The following DAG1 variants were observed in gnomAD, a reference collection of about 807,000 sequenced individuals.
DAG1 encodes dystroglycan 1.
Under a neutral mutation model 46.1 loss-of-function variants are expected in DAG1, and 8 were observed. That is an observed-to-expected ratio of 0.17 (90% CI 0.10 to 0.31). The LOEUF is 0.31. DAG1 is among the 10% of genes least tolerant of loss of function. DAG1 has a pLI of 1.00. For missense variants in DAG1, 1,003 were observed against 1,189.9 expected (o/e 0.84, Z 2.31); for synonymous variants, 495 against 481.8 (o/e 1.03, Z -0.36).
chr3:49,512,058 GTCTTGC>G (rs2050773949), intron 2 of DAG1, among the ~76,000 whole-genome samples: 1 of 151,748 alleles, frequency 6.6e-6, no homozygotes, highest in Non-Finnish European at 1.5e-5. Context: ...TTGAGGCAGG[GTCTTGC>G]TCTGTTGTTC....
In DAG1 at chr3:49,510,510, C is replaced by G; in HGVS notation, c.-25C>G. 1.2e-6 allele frequency: 2 copies of G among 1,609,788 alleles called. No individual in the cohort carries two copies. Among genetic ancestry groups the G allele is most frequent in the Non-Finnish European group, 8.5e-7 (1 of 1,178,698 alleles). ...TTGCTTCCTTACTTAGCAAGACTATCGACTTGAGCAAACTTGGACCTGGGA... is the reference window on the plus strand; with the variant it reads ...TTGCTTCCTTACTTAGCAAGACTATGGACTTGAGCAAACTTGGACCTGGGA... On this transcript the variant is annotated 5_prime_UTR_variant, in exon 2 of 3. It adds an upstream start codon to the 5' untranslated region. Coordinates refer to ENST00000308775, the MANE Select transcript of DAG1 (RefSeq NM_004393.6).
intron 1 of DAG1, among the ~76,000 whole-genome samples, chr3:49,490,366 T>TG (rs1415596694): frequency 1.1e-5 from 1 of 94,428 alleles, no homozygotes; most frequent in Non-Finnish European, 2.9e-5. Flanking sequence ...AAAAAAAAAG[T>TG]TTTTTTTTTT....
At chr3:49,530,614 C>T (rs775402259) in intron 2 of DAG1, among the ~76,000 whole-genome samples, 183 bp from the exon 3 acceptor site, 2 of 152,162 alleles carry the variant, frequency 1.3e-5, no homozygotes, top group African/African-American at 2.4e-5. Flanking sequence ...CATCTCATAG[C>T]CCTAGTCTTG....
chr3:49,506,841 G>A (rs2050618158), intron 1 of DAG1, among the ~76,000 whole-genome samples: 1 of 152,026 alleles, frequency 6.6e-6, no homozygotes, highest in African/African-American at 2.4e-5. Flanking sequence ...GCCAAGTATG[G>A]TGGCAAATGC....
At chr3:49,521,842 A>C (rs775920524) in intron 2 of DAG1, among the ~76,000 whole-genome samples, 58 of 150,316 alleles carry the variant, frequency 3.9e-4, no homozygotes, top group Admixed American at 1.2e-3. Context: ...TGGGCATCAC[A>C]GTTTTAGACC....
chr3:49,475,886 A>G (rs142316462), intron 1 of DAG1, among the ~76,000 whole-genome samples: 4,029 of 151,600 alleles, frequency 0.027, 72 homozygotes, highest in Non-Finnish European at 0.041. Context: ...GTATATATAT[A>G]TTTTTTGTAT....
chr3:49,479,555 G>C (rs559377246), intron 1 of DAG1, among the ~76,000 whole-genome samples: 2 of 149,652 alleles, frequency 1.3e-5, no homozygotes, highest in East Asian at 4.0e-4. Flanking sequence ...GATCCCGTCC[G>C]TCTTGATCTC....
In DAG1 at chr3:49,510,430, T is replaced by C; in HGVS notation, c.-105T>C. The C allele has an allele frequency of 9.0e-7, 1 of 1,113,654 alleles. No homozygotes were observed. The highest frequency in any genetic ancestry group is 2.3e-5 in the East Asian group (1 of 42,686). The allele number at this position is 1,113,654 out of a possible 1,614,324, so 69.0% of individuals were successfully genotyped here. On this transcript the variant is annotated 5_prime_UTR_variant, in exon 2 of 3. Coordinates refer to ENST00000308775, the MANE Select transcript of DAG1 (RefSeq NM_004393.6). ...TCTTTTTTTTTCAGGCTCTGTGTGC[T>C]CCGGGATGGAGCAGGTGTGCAGAGG...
intron 1 of DAG1, among the ~76,000 whole-genome samples, chr3:49,481,254 G>A (rs1327327633): frequency 6.7e-6 from 1 of 150,258 alleles, no homozygotes; most frequent in Non-Finnish European, 1.5e-5. Flanking sequence ...AAAATTAGCC[G>A]GGCGTAGTGT....
rs1221719616 is a variant in DAG1 at position 49,530,844 on chromosome 3, C to T, written c.333C>T (p.Asp111=). The change falls in exon 3 of 3, where the codon GAC becomes GAT. Residue 111 remains aspartate, a synonymous_variant. Coordinates refer to ENST00000308775, the MANE Select transcript of DAG1 (RefSeq NM_004393.6). ...CTTTGCCATCTTGGCTGCACTGGGA[C>T]TCACAGAGCCACACCCTGGAGGGCC... ...KEALPSWLHW[D]SQSHTLEGLP... 7.4e-6 allele frequency: 12 copies of T among 1,614,186 alleles called. No homozygotes were observed. The highest frequency in any genetic ancestry group is 1.0e-5 in the Non-Finnish European group (12 of 1,180,014).
intron 2 of DAG1, among the ~76,000 whole-genome samples, chr3:49,518,565 G>A (rs762958085): frequency 6.6e-6 from 1 of 152,200 alleles, no homozygotes; most frequent in Non-Finnish European, 1.5e-5. Context: ...GAATAAAGAA[G>A]GGACCTGCCT....
chr3:49,499,886 T>C (rs2050400389), intron 1 of DAG1, among the ~76,000 whole-genome samples: 1 of 152,190 alleles, frequency 6.6e-6, no homozygotes, highest in African/African-American at 2.4e-5. Flanking sequence ...ACTTTAAATA[T>C]ACCTGCCTCT....
chr3:49,529,791 C>T (rs1336679981), intron 2 of DAG1, among the ~76,000 whole-genome samples: 1 of 152,122 alleles, frequency 6.6e-6, no homozygotes, highest in African/African-American at 2.4e-5. Context: ...ACAGATGGGG[C>T]TGGGGCAAGA....
intron 1 of DAG1, among the ~76,000 whole-genome samples, chr3:49,482,732 A>G (rs1329604486): frequency 6.6e-6 from 1 of 152,178 alleles, no homozygotes; most frequent in Non-Finnish European, 1.5e-5. Flanking sequence ...CCTGGAACCA[A>G]TCCCTCATGG....
chr3:49,527,509 G>A (rs1188962955), intron 2 of DAG1, among the ~76,000 whole-genome samples: 3 of 147,296 alleles, frequency 2.0e-5, no homozygotes, highest in Non-Finnish European at 4.5e-5. Flanking sequence ...GCGAAAGAGC[G>A]AGACTCTGTC....
At chr3:49,473,434 A>C (rs1366840474) in intron 1 of DAG1, among the ~76,000 whole-genome samples, 1 of 152,072 alleles carries the variant, frequency 6.6e-6, no homozygotes, top group East Asian at 1.9e-4. Flanking sequence ...AACAAAAAAA[A>C]AACACAAAAA....
At chr3:49,499,701 A>G (rs2050396909) in intron 1 of DAG1, among the ~76,000 whole-genome samples, 1 of 152,164 alleles carries the variant, frequency 6.6e-6, no homozygotes, top group Admixed American at 6.5e-5. Flanking sequence ...CTTTCCTCCC[A>G]CCAAGCAACA....
At chr3:49,515,950 A>G (rs1042343718) in intron 2 of DAG1, among the ~76,000 whole-genome samples, 1 of 152,134 alleles carries the variant, frequency 6.6e-6, no homozygotes, top group African/African-American at 2.4e-5. Flanking sequence ...CGAACCCCAT[A>G]TGATCTGGCC....
Position 49,534,404 on chromosome 3 carries a change from G to C in DAG1, c.*1205G>C, listed in dbSNP as rs1487817472. 3 of 152,608 alleles carry C rather than the reference G, an allele frequency of 2.0e-5. No homozygotes were observed. The highest frequency in any genetic ancestry group is 1.3e-4 in the Admixed American group (2 of 15,278). 9.5% of individuals were successfully genotyped at this position (152,608 alleles called of 1,614,324 possible). On this transcript the variant is annotated 3_prime_UTR_variant, in exon 3 of 3. Transcript: ENST00000308775. ...CCTTGGGCCTGAACTACTGGAAAAG[G>C]TCTGGCGGCTGGGGAGGAGTGCCAG...
Sources: gnomAD v4.1 joint callset for allele counts (sites outside exome capture counted in the v4.1 genomes callset) on GRCh38, gnomAD v4.1.1 for gene constraint, MANE v1.5 for transcripts, NCBI Gene and HGNC (gene_info 2026-07-23, HGNC 2026-07-21) for gene names.